Variants in ELMO1 observed in about 807,000 individuals in gnomAD.
ELMO1 encodes engulfment and cell motility 1, also known as engulfment and cell motility protein 1.
A neutral mutation model predicts 98.9 loss-of-function variants in ELMO1; 26 were observed. That is an observed-to-expected ratio of 0.26 (90% CI 0.19 to 0.36). The LOEUF (loss-of-function observed/expected upper bound fraction) is 0.36, where lower values mean the gene tolerates loss of function less well. Ranked by LOEUF, ELMO1 falls within the 10% of genes least tolerant of loss-of-function variation. The pLI is 1.00. For synonymous variants in ELMO1, 346 were observed against 346.0 expected (o/e 1.00, Z 0.00); for missense variants, 627 against 935.2 (o/e 0.67, Z 4.30).
intron 1 of ELMO1, among the ~76,000 whole-genome samples, chr7:37,404,722 C>T (rs66959737): frequency 0.23 from 35,145 of 152,094 alleles, 4,291 homozygotes; most frequent in East Asian, 0.42. Flanking sequence ...AGATACTACA[C>T]CCCAGTACCA....
At chr7:37,213,534 C>T (rs1393374572) in intron 11 of ELMO1, 77 bp from the exon 12 acceptor site, 1 of 1,383,706 alleles carries the variant, frequency 7.2e-7, no homozygotes, top group Admixed American at 2.1e-5. Context: ...CTCAAGAAGG[C>T]TCTCACAGTC....
At chr7:37,344,895 G>A (rs142082990) in intron 1 of ELMO1, among the ~76,000 whole-genome samples, 12 of 152,222 alleles carry the variant, frequency 7.9e-5, no homozygotes, top group Admixed American at 3.3e-4. Flanking sequence ...TATCTGTAAC[G>A]AAGATCTTAA....
chr7:37,338,016 A>G (rs979387529), intron 2 of ELMO1, among the ~76,000 whole-genome samples: 1 of 152,220 alleles, frequency 6.6e-6, no homozygotes, highest in Non-Finnish European at 1.5e-5. Flanking sequence ...TGAAAAAGTT[A>G]GGCAGAGAAA....
At chr7:36,869,513 T>C (rs1803334137) in intron 20 of ELMO1, among the ~76,000 whole-genome samples, 1 of 152,222 alleles carries the variant, frequency 6.6e-6, no homozygotes, top group Non-Finnish European at 1.5e-5. Flanking sequence ...TCTTAGATAC[T>C]GACACTGGAA....
intron 1 of ELMO1, among the ~76,000 whole-genome samples, chr7:37,379,535 ACTT>A (rs1389994620): frequency 2.0e-5 from 3 of 152,032 alleles, no homozygotes; most frequent in African/African-American, 4.8e-5. Flanking sequence ...CCAATTCTAT[ACTT>A]CTTCTTGTCA....
At chr7:36,922,006 T>C (rs1390006112) in intron 16 of ELMO1, among the ~76,000 whole-genome samples, 2 of 152,190 alleles carry the variant, frequency 1.3e-5, no homozygotes, top group African/African-American at 4.8e-5. Flanking sequence ...TATTTGCTCC[T>C]TGCTAATTTT....
chr7:37,110,756 C>T (rs1785208866), intron 14 of ELMO1, among the ~76,000 whole-genome samples: 2 of 152,118 alleles, frequency 1.3e-5, no homozygotes, highest in Non-Finnish European at 2.9e-5. Context: ...TATGGGGCCC[C>T]CCAGACTTTC....
At chr7:37,025,231 AC>A (rs1427322539) in intron 15 of ELMO1, among the ~76,000 whole-genome samples, 1 of 152,236 alleles carries the variant, frequency 6.6e-6, no homozygotes, top group Non-Finnish European at 1.5e-5. Context: ...ATAAAAAACA[AC>A]AACAATGAAA....
At chr7:37,167,309 C>T (rs566792408) in intron 13 of ELMO1, among the ~76,000 whole-genome samples, 18 of 152,230 alleles carry the variant, frequency 1.2e-4, no homozygotes, top group Middle Eastern at 3.4e-3. Flanking sequence ...CAATCTGTGT[C>T]ATTTAATTGA....
chr7:37,174,293 G>C (rs1436906911), intron 13 of ELMO1, among the ~76,000 whole-genome samples: 1 of 152,154 alleles, frequency 6.6e-6, no homozygotes, highest in East Asian at 1.9e-4. Flanking sequence ...GAGATTCACT[G>C]CAACACTCAT....
intron 15 of ELMO1, among the ~76,000 whole-genome samples, chr7:37,062,271 T>A (rs952357126): frequency 2.0e-5 from 3 of 152,206 alleles, no homozygotes; most frequent in Non-Finnish European, 4.4e-5. Context: ...TCATGGTGAT[T>A]AAGAAGAAAT....
intron 16 of ELMO1, among the ~76,000 whole-genome samples, chr7:36,922,221 CTT>C (rs1193831026): frequency 6.6e-6 from 1 of 151,900 alleles, no homozygotes; most frequent in Non-Finnish European, 1.5e-5. Flanking sequence ...TTCATTAGCT[CTT>C]TTACTAAGAC....
At chr7:36,887,399 C>G (rs1187076527) in intron 18 of ELMO1, among the ~76,000 whole-genome samples, 161 bp downstream of exon 18, 3 of 152,144 alleles carry the variant, frequency 2.0e-5, no homozygotes. Flanking sequence ...TTGATTCTCT[C>G]TGGGTGTGCA....
intron 14 of ELMO1, among the ~76,000 whole-genome samples, chr7:37,101,046 T>C (rs1784610488): frequency 6.6e-6 from 1 of 152,270 alleles, no homozygotes; most frequent in Non-Finnish European, 1.5e-5. Context: ...TTCCTGTTTC[T>C]GCATGGCCCA....
At chr7:37,403,074 A>G (rs1420116203) in intron 1 of ELMO1, among the ~76,000 whole-genome samples, 1 of 152,222 alleles carries the variant, frequency 6.6e-6, no homozygotes, top group Non-Finnish European at 1.5e-5. Context: ...GAATGAATAA[A>G]CTGTAGTATA....
At chr7:37,215,475 A>T (rs1013380247) in intron 11 of ELMO1, among the ~76,000 whole-genome samples, 3 of 152,114 alleles carry the variant, frequency 2.0e-5, no homozygotes, top group African/African-American at 7.2e-5. Flanking sequence ...GACTCCTTTC[A>T]TATGCAAATG....
At chr7:37,433,997 A>T (rs1805038566) in intron 1 of ELMO1, among the ~76,000 whole-genome samples, 1 of 152,190 alleles carries the variant, frequency 6.6e-6, no homozygotes, top group Non-Finnish European at 1.5e-5. Context: ...GAAAAGTAAA[A>T]TATCAGAGAC....
intron 14 of ELMO1, among the ~76,000 whole-genome samples, chr7:37,103,938 G>A (rs749430763): frequency 3.5e-5 from 5 of 141,708 alleles, no homozygotes; most frequent in East Asian, 2.1e-4. Flanking sequence ...ATGAACCCGC[G>A]AGGCGGAGCT....
At chr7:37,311,088 C>T (rs1419303905) in intron 4 of ELMO1, among the ~76,000 whole-genome samples, 1 of 151,948 alleles carries the variant, frequency 6.6e-6, no homozygotes, top group Non-Finnish European at 1.5e-5. Flanking sequence ...TGAATCTTAA[C>T]TTTCTCTGAG....
Sources: gnomAD v4.1 joint callset for allele counts (sites outside exome capture counted in the v4.1 genomes callset) on GRCh38, gnomAD v4.1.1 for gene constraint, MANE v1.5 for transcripts, NCBI Gene and HGNC (gene_info 2026-07-23, HGNC 2026-07-21) for gene names.